ZNF536: variants seen among roughly 807,000 people sequenced by gnomAD.
ZNF536 encodes zinc finger protein 536.
In ZNF536, 13 loss-of-function variants were observed where a neutral mutation model predicts 84.5. That is an observed-to-expected ratio of 0.15 (90% CI 0.10 to 0.24). The LOEUF (loss-of-function observed/expected upper bound fraction) is 0.24, where lower values mean the gene tolerates loss of function less well. Ranked by LOEUF, ZNF536 falls within the 10% of genes least tolerant of loss-of-function variation. ZNF536 has a pLI of 1.00. For missense variants in ZNF536, 1,536 were observed against 1,747.5 expected, an observed-to-expected ratio of 0.88 and a Z score of 2.16; for synonymous variants, 811 against 742.5, an observed-to-expected ratio of 1.09 and a Z score of -1.50.
intron 1 of ZNF536, among the ~76,000 whole-genome samples, chr19:30,242,055 C>T (rs899571658): frequency 2.6e-5 from 4 of 151,994 alleles, no homozygotes; most frequent in African/African-American, 4.8e-5. Flanking sequence ...CTGCTGTGAG[C>T]GCCTGTTGAG....
At chr19:30,535,204 T>A (rs1478644744) in intron 3 of ZNF536, among the ~76,000 whole-genome samples, 1 of 152,190 alleles carries the variant, frequency 6.6e-6, no homozygotes, top group Non-Finnish European at 1.5e-5. Context: ...CGCAAATGAC[T>A]CAGGGACTCG....
At chr19:30,419,552 G>A (rs2147825482) in intron 1 of ZNF536, among the ~76,000 whole-genome samples, 1 of 152,276 alleles carries the variant, frequency 6.6e-6, no homozygotes, top group East Asian at 1.9e-4. Context: ...ATATTCACGT[G>A]TGTGTATGTG....
chr19:30,545,339 G>A (rs1164118076), intron 3 of ZNF536, among the ~76,000 whole-genome samples: 1 of 147,376 alleles, frequency 6.8e-6, no homozygotes, highest in Non-Finnish European at 1.5e-5. Flanking sequence ...CTCCCCTGGT[G>A]GTTCTAATGC....
intron 1 of ZNF536, among the ~76,000 whole-genome samples, chr19:30,625,032 A>G (rs1008595448): frequency 6.6e-6 from 1 of 152,062 alleles, no homozygotes; most frequent in Non-Finnish European, 1.5e-5. Flanking sequence ...AGTCAATTAA[A>G]CCTCCTTTGT....
At chr19:30,617,366 T>TTTA (rs869281886) in intron 1 of ZNF536, among the ~76,000 whole-genome samples, 15 of 115,990 alleles carry the variant, frequency 1.3e-4, no homozygotes, top group Non-Finnish European at 2.2e-4. Flanking sequence ...TTTTTTTTTT[T>TTTA]ATGAGATGGA....
In ZNF536 at chr19:30,654,110, C is replaced by T. The variant is rs190296779; in HGVS notation, c.170-56647C>T. Among the ~76,000 whole-genome samples the T allele has an allele frequency of 8.8e-3, 1,340 of 152,240 alleles. 7 individuals carry two copies. Among genetic ancestry groups the T allele is most frequent in the South Asian group, 0.019 (92 of 4,818 alleles). ...CTTGAGATCCTCCCCTCCCTGTCGC[C>T]GACGCTCCTTTGAAACAAGCGGGCT... On this transcript the variant is annotated intron_variant, in intron 1 of 1. Transcript: ENST00000592773.
At chr19:30,687,095 A>G (rs537731978) in intron 1 of ZNF536, among the ~76,000 whole-genome samples, 1 of 152,288 alleles carries the variant, frequency 6.6e-6, no homozygotes, top group African/African-American at 2.4e-5. Context: ...GACAGGCTGT[A>G]CAGACAGAGT....
At chr19:30,340,192 GC>G (rs2047521116) in intron 2 of ZNF536, among the ~76,000 whole-genome samples, 1 of 152,172 alleles carries the variant, frequency 6.6e-6, no homozygotes, top group African/African-American at 2.4e-5. Context: ...GTCAGAGATG[GC>G]CTTAACCCCA....
chr19:30,555,768 A>G (rs1248167337), intron 4 of ZNF536: 4 of 152,184 alleles, frequency 2.6e-5, no homozygotes, highest in Non-Finnish European at 5.9e-5. Context: ...TACATTTTTC[A>G]TCTTGTGCAA....
chr19:30,479,385 C>T lies in ZNF536; in HGVS notation c.2170+33653C>T, dbSNP rs1037871172. Among the ~76,000 whole-genome samples, 5 of 152,130 alleles carry T rather than the reference C, an allele frequency of 3.3e-5. No individual in the cohort carries two copies. The South Asian group carries it at 6.2e-4, about 19-fold the overall frequency. On this transcript the variant is annotated intron_variant, in intron 2 of 4. Coordinates refer to ENST00000355537, the MANE Select transcript of ZNF536 (RefSeq NM_014717.3). Reference sequence around the variant, plus strand: ...AATTCCACCGGCTGAAAGTCAGTCACGTGGCCCCAGCTAAATCAGATAAGC... The same window carrying T: ...AATTCCACCGGCTGAAAGTCAGTCATGTGGCCCCAGCTAAATCAGATAAGC...
At chr19:30,463,654 C>G (rs1286497009) in intron 2 of ZNF536, among the ~76,000 whole-genome samples, 2 of 152,160 alleles carry the variant, frequency 1.3e-5, no homozygotes, top group East Asian at 1.9e-4. Flanking sequence ...AATGCCTTCT[C>G]TCAGCACAAA....
At chr19:30,668,859 C>A (rs1177736606) in intron 1 of ZNF536, among the ~76,000 whole-genome samples, 1 of 152,190 alleles carries the variant, frequency 6.6e-6, no homozygotes, top group African/African-American at 2.4e-5. Flanking sequence ...TGTGCCCAAG[C>A]CTGGTTGGGG....
At position 30,444,923 on chromosome 19, in the gene ZNF536, G is replaced by A. The variant is rs756795445; in HGVS notation, c.1361G>A (p.Gly454Asp). ...CTGAGCGAGCCCAGCCAGCTCTATG[G>A]CAAGGGCGAGCTGCCCATGAAGGAG... ...AGLSEPSQLY[G>D]KGELPMKEKE... Residue 454 changes from glycine to aspartate, a missense_variant, in exon 2 of 5, where the codon GGC (glycine) becomes GAC (aspartate). This residue lies in a region of ZNF536 where 366 missense variants were observed against 364.4 expected (regional missense o/e 1.00). Transcript: ENST00000355537. The A allele has an allele frequency of 6.2e-7, 1 of 1,611,140 alleles. No individual in the cohort carries two copies. The highest frequency in any genetic ancestry group is 1.7e-5 in the Admixed American group (1 of 59,732).
chr19:30,297,577 T>A (rs1342560121), intron 2 of ZNF536, among the ~76,000 whole-genome samples: 1 of 152,212 alleles, frequency 6.6e-6, no homozygotes, highest in Non-Finnish European at 1.5e-5. Context: ...ACTCTATTTT[T>A]TCCTCAGTGT....
chr19:30,232,152 G>A (rs1302786071), intron 1 of ZNF536, among the ~76,000 whole-genome samples: 4 of 152,086 alleles, frequency 2.6e-5, no homozygotes, highest in Non-Finnish European at 5.9e-5. Context: ...TGGGGTGGGC[G>A]TGGGGGCCTC....
At chr19:30,394,926 TG>T (rs1269041886) in intron 1 of ZNF536, among the ~76,000 whole-genome samples, 3 of 152,182 alleles carry the variant, frequency 2.0e-5, no homozygotes, top group African/African-American at 7.2e-5. Flanking sequence ...CCCTTAACAC[TG>T]GTTTTGGAGC....
chr19:30,587,385 A>G (rs1270818180), intron 1 of ZNF536, among the ~76,000 whole-genome samples: 1 of 152,172 alleles, frequency 6.6e-6, no homozygotes, highest in Non-Finnish European at 1.5e-5. Context: ...CATTTTCCCA[A>G]CTAAATCAAG....
At chr19:30,603,597 T>C (rs1438729912) in intron 1 of ZNF536, among the ~76,000 whole-genome samples, 1 of 152,174 alleles carries the variant, frequency 6.6e-6, no homozygotes, top group Non-Finnish European at 1.5e-5. Context: ...AAACATATAA[T>C]TTAAAAATTA....
intron 1 of ZNF536, among the ~76,000 whole-genome samples, chr19:30,275,770 A>G (rs2026093645): frequency 6.6e-6 from 1 of 152,110 alleles, no homozygotes; most frequent in African/African-American, 2.4e-5. Context: ...GGTAAATGCT[A>G]GTTTTCATTC....
Sources: allele counts gnomAD v4.1 joint callset (sites outside exome capture counted in the v4.1 genomes callset), GRCh38; gene constraint gnomAD v4.1.1; regional missense constraint gnomAD v4.1.1; transcripts MANE v1.5; gene names NCBI Gene and HGNC (gene_info 2026-07-23, HGNC 2026-07-21).